Variants in RRBP1 observed in about 807,000 individuals in gnomAD.
The protein encoded by RRBP1 is ribosome-binding protein 1.
In RRBP1, 94 loss-of-function variants were observed where a neutral mutation model predicts 165.2. The ratio of observed to expected loss-of-function variants is 0.57; its 90% CI spans 0.48 to 0.68. The LOEUF (loss-of-function observed/expected upper bound fraction) is 0.68. Ranked by LOEUF, RRBP1 falls within the 30% of genes least tolerant of loss-of-function variation. The probability of loss-of-function intolerance (pLI) is 0.00; values close to 1 mark genes in which losing one functional copy is unlikely to be tolerated. For synonymous variants in RRBP1, 680 were observed against 714.5 expected, an observed-to-expected ratio of 0.95 and a Z score of 0.77; for missense variants, 1,676 against 1,763.0, an observed-to-expected ratio of 0.95 and a Z score of 0.88.
intron 2 of RRBP1, among the ~76,000 whole-genome samples, chr20:17,679,323 T>A (rs2037137493): frequency 1.3e-5 from 2 of 152,380 alleles, no homozygotes; most frequent in African/African-American, 4.8e-5. Flanking sequence ...CCGCCTGGTA[T>A]AACCAATATT....
intron 16 of RRBP1, 50 bp from the exon 17 acceptor site, chr20:17,620,857 AC>A: frequency 7.4e-7 from 1 of 1,344,176 alleles, no homozygotes; most frequent in Non-Finnish European, 1.0e-6. Flanking sequence ...CGAGACCCGC[AC>A]CACACAACCG....
At chr20:17,678,043 A>G (rs1223371962) in intron 2 of RRBP1, among the ~76,000 whole-genome samples, 1 of 152,204 alleles carries the variant, frequency 6.6e-6, no homozygotes, top group Admixed American at 6.5e-5. Context: ...AATGTTCTTG[A>G]TAAGTTAAAG....
chr20:17,679,742 C>CT (rs950376633), intron 2 of RRBP1, among the ~76,000 whole-genome samples: 20 of 152,324 alleles, frequency 1.3e-4, no homozygotes, highest in African/African-American at 4.8e-4. Flanking sequence ...ATTTAAAACT[C>CT]TTCCATCACC....
chr20:17,676,880 CAGG>C (rs2037092279), intron 2 of RRBP1, among the ~76,000 whole-genome samples: 1 of 152,074 alleles, frequency 6.6e-6, no homozygotes, highest in Non-Finnish European at 1.5e-5. Context: ...CCTGAGTAGC[CAGG>C]ACTACAGGCA....
Position 17,660,189 on chromosome 20 carries a change from C to T in RRBP1, c.319G>A (p.Val107Met). 1 of 1,614,094 alleles carries T rather than the reference C, an allele frequency of 6.2e-7. No individual in the cohort carries two copies. The highest frequency in any genetic ancestry group is 1.3e-5 in the African/African-American group (1 of 75,058). Residue 107 changes from valine to methionine, a missense_variant, in exon 3 of 25, where the codon GTG becomes ATG. Physicochemically the swap from Val to Met is conservative, Grantham distance 21. Coordinates refer to ENST00000377813, the MANE Select transcript of RRBP1 (RefSeq NM_001365613.2). Reference protein sequence around the residue: ...REPVRAPAVAVAPTPVQPPII... With the variant: ...REPVRAPAVAMAPTPVQPPII... ...GGGGGCTGCACTGGGGTTGGAGCCA[C>T]AGCCACAGCAGGAGCCCGCACTGGT... is the stretch of plus-strand genomic sequence containing the variant.
chr20:17,626,697 C>T (rs1221284991), intron 11 of RRBP1, among the ~76,000 whole-genome samples: 2 of 152,192 alleles, frequency 1.3e-5, no homozygotes, highest in East Asian at 1.9e-4. Flanking sequence ...CTACAGGAGG[C>T]GAGCCCCAGA....
chr20:17,625,620 G>A lies in RRBP1; in HGVS notation c.2964-18C>T. ...CCTTGAGGCTGAAGGGACACAACGA[G>A]GTCACCGCCTAGGCTCCAAGGGGCT... On this transcript the variant is annotated intron_variant, in intron 11 of 24. Transcript: ENST00000377813. 6.2e-7 allele frequency: 1 copy of A among 1,607,814 alleles called. No homozygotes were observed. The highest frequency in any genetic ancestry group is 8.5e-7 in the Non-Finnish European group (1 of 1,174,500).
Position 17,613,854 on chromosome 20 carries a change from G to C in RRBP1, c.*328C>G, listed in dbSNP as rs372595519. 1 of 241,088 alleles carries C rather than the reference G, an allele frequency of 4.1e-6. No homozygotes were observed. 14.9% of individuals were successfully genotyped at this position (241,088 alleles called of 1,614,324 possible). ...CCGCCCCACTGAAAAAACACTAAACGATTGCACTGACAGACAGACCCCAGA... is the reference window on the plus strand; with the variant it reads ...CCGCCCCACTGAAAAAACACTAAACCATTGCACTGACAGACAGACCCCAGA... On this transcript the variant is annotated 3_prime_UTR_variant, in exon 25 of 25. Coordinates refer to ENST00000377813, the MANE Select transcript of RRBP1 (RefSeq NM_001365613.2).
chr20:17,668,555 C>CA (rs2036913443), intron 2 of RRBP1, among the ~76,000 whole-genome samples: 1 of 152,194 alleles, frequency 6.6e-6, no homozygotes, highest in Non-Finnish European at 1.5e-5. Flanking sequence ...TCTCCTCTTA[C>CA]AAATTATCAG....
intron 2 of RRBP1, among the ~76,000 whole-genome samples, chr20:17,679,717 CTTGAT>C (rs148858366): frequency 3.0e-4 from 45 of 152,326 alleles, no homozygotes; most frequent in African/African-American, 7.9e-4. Flanking sequence ...TCAAATGTGA[CTTGAT>C]TTAAGATTTA....
intron 3 of RRBP1, among the ~76,000 whole-genome samples, chr20:17,654,755 G>A (rs1432992566): frequency 6.6e-6 from 1 of 152,118 alleles, no homozygotes; most frequent in Admixed American, 6.5e-5. Flanking sequence ...TCTGTCCACT[G>A]TGGCTCTCGG....
intron 3 of RRBP1, among the ~76,000 whole-genome samples, chr20:17,649,564 C>A (rs935723101): frequency 8.5e-6 from 1 of 117,804 alleles, no homozygotes; most frequent in African/African-American, 3.4e-5. Flanking sequence ...GCAAAGCAGG[C>A]TACACATGGG....
At chr20:17,631,812 G>A (rs1373059672) in intron 8 of RRBP1, among the ~76,000 whole-genome samples, 1 of 152,260 alleles carries the variant, frequency 6.6e-6, no homozygotes, top group African/African-American at 2.4e-5. Flanking sequence ...TGCAGAGCTG[G>A]CTGGCAGTGA....
At chr20:17,677,108 A>G (rs1328250603) in intron 2 of RRBP1, among the ~76,000 whole-genome samples, 1 of 152,090 alleles carries the variant, frequency 6.6e-6, no homozygotes, top group Non-Finnish European at 1.5e-5. Context: ...AGGTGACTCA[A>G]TTGCTTAATA....
Position 17,658,809 on chromosome 20 carries a change from C to A in RRBP1, c.1699G>T (p.Gly567Trp). Reference sequence around the variant, plus strand: ...CTGGGGGACCCTTCTGCTTTTTTCCCCTGGTTTGTAATACCCTCTACCTTT... The same window carrying A: ...CTGGGGGACCCTTCTGCTTTTTTCCACTGGTTTGTAATACCCTCTACCTTT... ...GTKVEGITNQ[G>W]KKAEGSPSEG... Residue 567 changes from glycine (G) to tryptophan (W), a missense_variant, in exon 3 of 25, where the codon GGG becomes TGG. This residue lies in a region of RRBP1 where 1,184 missense variants were observed against 1,167.1 expected (regional missense o/e 1.01). Transcript: ENST00000377813. 6.2e-7 allele frequency: 1 copy of A among 1,614,004 alleles called. No homozygotes were observed. Among genetic ancestry groups the A allele is most frequent in the Middle Eastern group, 1.6e-4 (1 of 6,062 alleles).
chr20:17,642,771 C>CA (rs1018637054), intron 4 of RRBP1, among the ~76,000 whole-genome samples: 1 of 152,200 alleles, frequency 6.6e-6, no homozygotes, highest in African/African-American at 2.4e-5. Flanking sequence ...AGCCCTGCCC[C>CA]AGCCCTAACC....
At chr20:17,632,941 C>A (rs760285877) in intron 8 of RRBP1, among the ~76,000 whole-genome samples, 51 of 152,204 alleles carry the variant, frequency 3.4e-4, no homozygotes, top group Non-Finnish European at 6.2e-4. Context: ...AAAGAAGAAA[C>A]CCCACTGGCC....
rs2036724543 is a variant in RRBP1, at chr20:17,659,783, G to C, written c.725C>G (p.Ala242Gly). The C allele has an allele frequency of 1.9e-6, 3 of 1,550,600 alleles. No individual in the cohort carries two copies. The highest frequency in any genetic ancestry group is 2.7e-5 in the African/African-American group (2 of 73,086). The change falls in exon 3 of 25, where the codon GCA (alanine) becomes GGA (glycine). Residue 242 changes from alanine to glycine, a missense_variant. This residue lies in a region of RRBP1 where 392 missense variants were observed against 382.5 expected (regional missense o/e 1.02). Coordinates refer to ENST00000377813, the MANE Select transcript of RRBP1 (RefSeq NM_001365613.2). ...TTTGCCTTGGTTTGGGGTTCCCTCT[G>C]CCTTTTTCCCTTGGTTTGGGGTTCC... ...TEGTPNQGKK[A>G]EGTPNQGKKA...
intron 22 of RRBP1, 29 bp downstream of exon 22, chr20:17,615,897 G>C: frequency 6.3e-7 from 1 of 1,586,454 alleles, no homozygotes. Context: ...GGGCTGATGG[G>C]GGCTGAGAGC....
Sources: gnomAD v4.1 joint callset for allele counts (sites outside exome capture counted in the v4.1 genomes callset) on GRCh38, gnomAD v4.1.1 for gene constraint, gnomAD v4.1.1 regional missense constraint, MANE v1.5 for transcripts, NCBI Gene and HGNC (gene_info 2026-07-23, HGNC 2026-07-21) for gene names.